The following EYS variants were observed in gnomAD, a reference collection of about 807,000 sequenced individuals.
EYS encodes the protein protein eyes shut homolog.
EYS carries 250 observed loss-of-function variants against 282.1 expected under a neutral mutation model. The observed-to-expected ratio is 0.89, with a 90% confidence interval of 0.80 to 0.98. EYS has a LOEUF of 0.98. Among genes scored for constraint, EYS ranks in the 50% least tolerant of loss-of-function variants. The pLI is 0.00. For synonymous variants in EYS, 1,355 were observed against 1,282.9 expected (o/e 1.06, Z -1.20); for missense variants, 4,016 against 3,709.0 (o/e 1.08, Z -2.15).
intron 19 of EYS, among the ~76,000 whole-genome samples, chr6:64,866,931 C>T (rs993243054): frequency 5.9e-5 from 9 of 151,786 alleles, no homozygotes; most frequent in Middle Eastern, 3.4e-3. Context: ...AAAAGTTACA[C>T]AATTGATCTA....
rs111652292 is a variant in EYS, at chr6:64,246,292, C to T, written c.6192-15468G>A. 9.6e-3 allele frequency among the ~76,000 whole-genome samples: 1,451 copies of T among 151,578 alleles called. 26 individuals are homozygous for T. The highest frequency in any genetic ancestry group is 0.033 in the African/African-American group (1,366 of 41,314). ...TTTAGAGCTTTTTTCTCTTTGTTAGCATGAACGTTATATATGTCTTATAGC... is the reference window on the plus strand; with the variant it reads ...TTTAGAGCTTTTTTCTCTTTGTTAGTATGAACGTTATATATGTCTTATAGC... On this transcript the variant is annotated intron_variant, in intron 30 of 42. Coordinates refer to ENST00000503581, the MANE Select transcript of EYS (RefSeq NM_001142800.2).
intron 31 of EYS, among the ~76,000 whole-genome samples, chr6:64,100,466 C>G (rs1277479928): frequency 6.6e-6 from 1 of 151,878 alleles, no homozygotes; most frequent in Non-Finnish European, 1.5e-5. Context: ...ATCTCACAGC[C>G]AAAATCCTTT....
intron 28 of EYS, among the ~76,000 whole-genome samples, chr6:64,410,207 A>G (rs1038536502): frequency 1.3e-5 from 2 of 152,188 alleles, no homozygotes; most frequent in Admixed American, 6.6e-5. Flanking sequence ...TTATCTTTGC[A>G]TCCAACAGTC....
chr6:65,168,074 T>G (rs541406605), intron 12 of EYS, among the ~76,000 whole-genome samples: 131 of 151,366 alleles, frequency 8.7e-4, no homozygotes, highest in African/African-American at 3.1e-3. Flanking sequence ...TTCTCTATTT[T>G]TTTCTACTAG....
chr6:65,216,411 G>A (rs1766315953), intron 12 of EYS, among the ~76,000 whole-genome samples: 1 of 151,916 alleles, frequency 6.6e-6, no homozygotes, highest in Non-Finnish European at 1.5e-5. Flanking sequence ...TATAATCCAT[G>A]CTATAAAATG....
At chr6:63,967,862 C>G (rs147118378) in intron 35 of EYS, among the ~76,000 whole-genome samples, 2 of 152,178 alleles carry the variant, frequency 1.3e-5, no homozygotes, top group African/African-American at 4.8e-5. Flanking sequence ...CTCTTACAGC[C>G]CTGGGGAGTA....
chr6:65,581,129 T>C (rs1764853866), intron 2 of EYS, among the ~76,000 whole-genome samples: 1 of 152,098 alleles, frequency 6.6e-6, no homozygotes, highest in Non-Finnish European at 1.5e-5. Flanking sequence ...TCAAAGAAAC[T>C]GTAAATTGAT....
intron 22 of EYS, among the ~76,000 whole-genome samples, chr6:64,664,067 T>C (rs903494987): frequency 2.0e-5 from 3 of 152,290 alleles, no homozygotes; most frequent in African/African-American, 7.2e-5. Flanking sequence ...GCGGCAGGTC[T>C]GCAACGCAGG....
chr6:65,560,353 A>G (rs983365124), intron 2 of EYS, among the ~76,000 whole-genome samples: 31 of 142,898 alleles, frequency 2.2e-4, no homozygotes, highest in African/African-American at 7.7e-4. Flanking sequence ...TATTGTATAT[A>G]ATATAACATA....
chr6:65,508,270 T>TGGTAAC (rs1443661615), intron 2 of EYS, among the ~76,000 whole-genome samples: 1 of 152,170 alleles, frequency 6.6e-6, no homozygotes, highest in East Asian at 1.9e-4. Flanking sequence ...GTTGGTTTGA[T>TGGTAAC]GGTAACGTAT....
At chr6:64,867,609 T>C (rs1766463766) in intron 19 of EYS, among the ~76,000 whole-genome samples, 1 of 151,710 alleles carries the variant, frequency 6.6e-6, no homozygotes, top group Admixed American at 6.6e-5. Context: ...AGCCTGTTTA[T>C]CTTATCTTTG....
At chr6:65,244,496 T>A (rs1485237141) in intron 12 of EYS, among the ~76,000 whole-genome samples, 1 of 151,622 alleles carries the variant, frequency 6.6e-6, no homozygotes, top group East Asian at 1.9e-4. Flanking sequence ...ACCTTAATTA[T>A]CCGAACTATT....
chr6:64,720,551 A>G (rs1353136256), intron 22 of EYS, among the ~76,000 whole-genome samples: 1 of 152,178 alleles, frequency 6.6e-6, no homozygotes. Flanking sequence ...GTTCCATTCC[A>G]GCTATTTCTC....
intron 22 of EYS, among the ~76,000 whole-genome samples, chr6:64,688,192 T>C (rs1301664982): frequency 6.6e-6 from 1 of 152,084 alleles, no homozygotes; most frequent in African/African-American, 2.4e-5. Flanking sequence ...GATTCATTGA[T>C]TTTTTTAATG....
At chr6:64,223,670 A>T (rs1766169289) in intron 31 of EYS, among the ~76,000 whole-genome samples, 1 of 152,034 alleles carries the variant, frequency 6.6e-6, no homozygotes, top group South Asian at 2.1e-4. Flanking sequence ...AATGATTTTA[A>T]TAATTCTACA....
chr6:65,262,396 G>A (rs1767645096), intron 12 of EYS, among the ~76,000 whole-genome samples: 2 of 151,898 alleles, frequency 1.3e-5, no homozygotes, highest in South Asian at 2.1e-4. Flanking sequence ...ATAATGAATC[G>A]TCTACTGAGA....
intron 36 of EYS, among the ~76,000 whole-genome samples, chr6:63,813,167 A>G (rs1021237987): frequency 2.6e-5 from 4 of 151,980 alleles, no homozygotes; most frequent in African/African-American, 9.7e-5. Flanking sequence ...TTTTGTAGAG[A>G]TGGGGTTTCA....
Position 65,197,578 on chromosome 6 carries a change from C to T in EYS, c.2023+98285G>A, listed in dbSNP as rs894022234. On this transcript the variant is annotated intron_variant, in intron 12 of 42. Transcript: ENST00000503581. ...ACATTAGATATATAGTCATATGTCACTTAACAAGGGGGTATGTTCTGAGAA... is the reference window on the plus strand; with the variant it reads ...ACATTAGATATATAGTCATATGTCATTTAACAAGGGGGTATGTTCTGAGAA... Among the ~76,000 whole-genome samples the T allele has an allele frequency of 8.5e-5, 13 of 152,146 alleles. No homozygotes were observed. In the East Asian group the frequency reaches 2.5e-3, roughly 30 times the overall value.
intron 31 of EYS, among the ~76,000 whole-genome samples, chr6:64,156,345 C>A (rs1258946598): frequency 6.6e-6 from 1 of 152,076 alleles, no homozygotes; most frequent in Non-Finnish European, 1.5e-5. Flanking sequence ...GATTCTGAGG[C>A]CTCCCCAGTC....
Sources: gnomAD v4.1 joint callset for allele counts (sites outside exome capture counted in the v4.1 genomes callset) on GRCh38, gnomAD v4.1.1 for gene constraint, MANE v1.5 for transcripts, NCBI Gene and HGNC (gene_info 2026-07-23, HGNC 2026-07-21) for gene names.